FBXL7: variants seen among roughly 807,000 people sequenced by gnomAD.
FBXL7 encodes F-box and leucine rich repeat protein 7.
FBXL7 carries 12 observed loss-of-function variants against 38.3 expected under a neutral mutation model. That is an observed-to-expected ratio of 0.31 (90% CI 0.20 to 0.51). The LOEUF (loss-of-function observed/expected upper bound fraction) is 0.51. Among genes scored for constraint, FBXL7 ranks in the 20% least tolerant of loss-of-function variants. FBXL7 has a pLI of 0.98. For synonymous variants in FBXL7, 297 were observed against 300.9 expected, an observed-to-expected ratio of 0.99 and a Z score of 0.13; for missense variants, 567 against 676.4, an observed-to-expected ratio of 0.84 and a Z score of 1.79.
At chr5:15,538,571 T>A (rs964524469) in intron 1 of FBXL7, among the ~76,000 whole-genome samples, 1 of 152,216 alleles carries the variant, frequency 6.6e-6, no homozygotes, top group African/African-American at 2.4e-5. Flanking sequence ...CAGATTTAAG[T>A]TGACATTGGA....
intron 2 of FBXL7, among the ~76,000 whole-genome samples, chr5:15,812,218 T>G (rs1165773330): frequency 1.3e-5 from 2 of 152,130 alleles, no homozygotes; most frequent in Non-Finnish European, 2.9e-5. Context: ...ACCATCATTC[T>G]CAGCAAACTA....
At chr5:15,812,752 C>T (rs1040341405) in intron 2 of FBXL7, among the ~76,000 whole-genome samples, 2 of 152,192 alleles carry the variant, frequency 1.3e-5, no homozygotes, top group South Asian at 4.2e-4. Context: ...ATTGATTCTT[C>T]CTATCCATGA....
At chr5:15,521,282 A>G (rs1737090430) in intron 1 of FBXL7, among the ~76,000 whole-genome samples, 1 of 152,264 alleles carries the variant, frequency 6.6e-6, no homozygotes, top group African/African-American at 2.4e-5. Context: ...ATGATCTGCA[A>G]TTCAGCAAAT....
At chr5:15,515,054 C>G (rs917653424) in intron 1 of FBXL7, among the ~76,000 whole-genome samples, 1 of 152,174 alleles carries the variant, frequency 6.6e-6, no homozygotes, top group African/African-American at 2.4e-5. Context: ...CAGACCATCT[C>G]AGAGGCTGTT....
chr5:15,766,037 T>TAC, intron 2 of FBXL7, among the ~76,000 whole-genome samples: 2 of 139,804 alleles, frequency 1.4e-5, no homozygotes, highest in Admixed American at 1.5e-4. Context: ...TCTGTCTGTC[T>TAC]GTCTATCTAC....
At chr5:15,795,083 T>G (rs1013275217) in intron 2 of FBXL7, among the ~76,000 whole-genome samples, 1 of 152,214 alleles carries the variant, frequency 6.6e-6, no homozygotes, top group African/African-American at 2.4e-5. Context: ...TGTGTGATTC[T>G]GCATCTCCTC....
At chr5:15,652,362 G>C (rs1028092859) in intron 2 of FBXL7, among the ~76,000 whole-genome samples, 7 of 152,108 alleles carry the variant, frequency 4.6e-5, no homozygotes, top group Non-Finnish European at 7.3e-5. Flanking sequence ...TGCCTCCCGG[G>C]TTCACGCCAT....
intron 3 of FBXL7, among the ~76,000 whole-genome samples, chr5:15,931,785 C>T (rs985496034): frequency 2.6e-5 from 4 of 152,198 alleles, no homozygotes; most frequent in African/African-American, 9.7e-5. Context: ...GTGCATGCCT[C>T]TCTGGCTTGT....
At chr5:15,884,970 C>G (rs1249407909) in intron 2 of FBXL7, among the ~76,000 whole-genome samples, 1 of 152,158 alleles carries the variant, frequency 6.6e-6, no homozygotes, top group Non-Finnish European at 1.5e-5. Context: ...TGCTAGATAA[C>G]AAATTACCCC....
Position 15,635,456 on chromosome 5 carries a change from T to C in FBXL7, c.127+19384T>C, listed in dbSNP as rs139340949. Among the ~76,000 whole-genome samples the C allele has an allele frequency of 3.3e-5, 5 of 152,322 alleles. No individual in the cohort carries two copies. The East Asian group carries it at 9.7e-4, about 29-fold the overall frequency. On this transcript the variant is annotated intron_variant, in intron 2 of 3. Coordinates refer to ENST00000504595, the MANE Select transcript of FBXL7 (RefSeq NM_012304.5). The stretch of plus-strand genomic sequence containing the variant: ...ACACAGCATCATTTCTGCCATGTTC[T>C]GTTAGTCATAGCAGTCCCAGAGTGA...
chr5:15,505,026 T>C (rs1736606331), intron 1 of FBXL7, among the ~76,000 whole-genome samples: 1 of 152,216 alleles, frequency 6.6e-6, no homozygotes, highest in Non-Finnish European at 1.5e-5. Context: ...ACTCTGCTGC[T>C]CTACCAAGGG....
At chr5:15,583,029 G>T (rs1350947137) in intron 1 of FBXL7, among the ~76,000 whole-genome samples, 2 of 151,984 alleles carry the variant, frequency 1.3e-5, no homozygotes, top group East Asian at 3.9e-4. Context: ...AAGGAAAGAG[G>T]TTTAATTAAT....
At chr5:15,769,561 A>T (rs2126708978) in intron 2 of FBXL7, among the ~76,000 whole-genome samples, 1 of 152,366 alleles carries the variant, frequency 6.6e-6, no homozygotes, top group South Asian at 2.1e-4. Flanking sequence ...CCACATGGTA[A>T]TGTAATTTTT....
At chr5:15,514,320 C>T (rs76684154) in intron 1 of FBXL7, among the ~76,000 whole-genome samples, 1,757 of 151,966 alleles carry the variant, frequency 0.012, 39 homozygotes, top group African/African-American at 0.041. Context: ...ATTTTGCTGT[C>T]GCTGAAGATC....
intron 1 of FBXL7, among the ~76,000 whole-genome samples, chr5:15,608,900 A>G (rs1740125326): frequency 6.6e-6 from 1 of 152,214 alleles, no homozygotes; most frequent in Non-Finnish European, 1.5e-5. Flanking sequence ...CAGACATCAA[A>G]GCATGGGCCG....
At chr5:15,874,615 C>T (rs1740120762) in intron 2 of FBXL7, among the ~76,000 whole-genome samples, 1 of 152,154 alleles carries the variant, frequency 6.6e-6, no homozygotes, top group African/African-American at 2.4e-5. Flanking sequence ...CATTCCTATA[C>T]ACCAATAATA....
intron 1 of FBXL7, among the ~76,000 whole-genome samples, chr5:15,576,817 C>T (rs762445885): frequency 3.9e-5 from 6 of 152,064 alleles, no homozygotes; most frequent in Non-Finnish European, 7.3e-5. Flanking sequence ...CTCATTACAA[C>T]AGTCATCCAC....
intron 1 of FBXL7, among the ~76,000 whole-genome samples, chr5:15,527,783 A>G (rs1247717264): frequency 1.3e-5 from 2 of 152,202 alleles, no homozygotes; most frequent in Non-Finnish European, 2.9e-5. Flanking sequence ...ACTGTAGGTC[A>G]TCTGTACAAC....
intron 1 of FBXL7, among the ~76,000 whole-genome samples, chr5:15,614,222 T>C (rs1283674523): frequency 1.3e-5 from 2 of 152,164 alleles, no homozygotes; most frequent in African/African-American, 4.8e-5. Flanking sequence ...ATCTGTGATA[T>C]AACTAGTTGG....
Sources: allele counts gnomAD v4.1 joint callset (sites outside exome capture counted in the v4.1 genomes callset), GRCh38; gene constraint gnomAD v4.1.1; transcripts MANE v1.5; gene names NCBI Gene and HGNC (gene_info 2026-07-23, HGNC 2026-07-21).